CDKAL1: variants seen among roughly 807,000 people sequenced by gnomAD.
CDKAL1 encodes the protein CDKAL1 threonylcarbamoyladenosine tRNA methylthiotransferase.
A neutral mutation model predicts 68.2 loss-of-function variants in CDKAL1; 32 were observed. The ratio of observed to expected loss-of-function variants is 0.47; its 90% CI spans 0.35 to 0.63. The LOEUF (loss-of-function observed/expected upper bound fraction) is 0.63. Ranked by LOEUF, CDKAL1 falls within the 30% of genes least tolerant of loss-of-function variation. The pLI is 0.00. For synonymous variants in CDKAL1, 234 were observed against 244.3 expected (o/e 0.96, Z 0.39); for missense variants, 606 against 696.7 (o/e 0.87, Z 1.47).
intron 9 of CDKAL1, among the ~76,000 whole-genome samples, chr6:20,872,614 A>T (rs1760283895): frequency 1.3e-5 from 2 of 152,210 alleles, no homozygotes; most frequent in African/African-American, 2.4e-5. Context: ...AGCTGGGTGG[A>T]TACAATTCTG....
Position 21,231,012 on chromosome 6 carries a change from T to G in CDKAL1, c.1713T>G (p.Phe571Leu). The G allele has an allele frequency of 6.2e-7, 1 of 1,608,360 alleles. No individual in the cohort carries two copies. Among genetic ancestry groups the G allele is most frequent in the Non-Finnish European group, 8.5e-7 (1 of 1,176,132 alleles). Reference protein sequence around the residue: ...SVGLALLGLLFAFFVKVYN With the variant: ...SVGLALLGLLLAFFVKVYN ...GCTTGGCTCTGCTGGGTCTTCTTTT[T>G]GCTTTTTTTGTCAAGGTCTATAATT... Residue 571 changes from phenylalanine (F) to leucine (L), a missense_variant, in exon 16 of 16, where the codon TTT (phenylalanine) becomes TTG (leucine). By Grantham distance (22) the Phe-to-Leu change is conservative. Transcript: ENST00000274695.
chr6:20,570,395 C>T (rs927707079), intron 4 of CDKAL1, among the ~76,000 whole-genome samples: 1 of 149,058 alleles, frequency 6.7e-6, no homozygotes, highest in African/African-American at 2.5e-5. Context: ...AGCCACTGTG[C>T]CCTGCCAATT....
intron 5 of CDKAL1, among the ~76,000 whole-genome samples, chr6:20,669,091 G>C (rs1769689067): frequency 6.6e-6 from 1 of 152,152 alleles, no homozygotes; most frequent in South Asian, 2.1e-4. Flanking sequence ...GGTGGTAGCT[G>C]TCAGTTTTCT....
intron 9 of CDKAL1, among the ~76,000 whole-genome samples, chr6:20,893,079 T>C (rs56043606): frequency 0.036 from 5,410 of 152,272 alleles, 158 homozygotes; most frequent in Middle Eastern, 0.061. Context: ...AGAATAGCAT[T>C]ACCCTGTAGG....
In CDKAL1 at chr6:21,201,102, T is replaced by C. The variant is rs768968961; in HGVS notation, c.1384-8T>C. Reference sequence around the variant, plus strand: ...AAAAATTAAGCCTCTGAAACAAATGTGTTTAAGGTTTTAGTGCCAAAGAAC... The same window carrying C: ...AAAAATTAAGCCTCTGAAACAAATGCGTTTAAGGTTTTAGTGCCAAAGAAC... On this transcript the variant is annotated splice_region_variant and splice_polypyrimidine_tract_variant and intron_variant, in intron 14 of 15. Coordinates refer to ENST00000274695, the MANE Select transcript of CDKAL1 (RefSeq NM_017774.3). The C allele has an allele frequency of 4.4e-6, 7 of 1,594,822 alleles. No homozygotes were observed. The Admixed American group carries it at 1.2e-4, about 27-fold the overall frequency.
intron 13 of CDKAL1, among the ~76,000 whole-genome samples, chr6:21,125,836 TG>T (rs1410214423): frequency 1.4e-4 from 22 of 152,348 alleles, no homozygotes; most frequent in African/African-American, 5.3e-4. Flanking sequence ...TCAGCTCCTC[TG>T]GGGAGTTAGG....
In CDKAL1 at chr6:20,546,420, C is replaced by A; in HGVS notation, c.70C>A (p.Pro24Thr). ...TATCGTGTCTCAGGAAGATTCAAAACCACAAGATAGGCATTTTGTAAGAAA... is the reference window on the plus strand; with the variant it reads ...TATCGTGTCTCAGGAAGATTCAAAAACACAAGATAGGCATTTTGTAAGAAA... ...EDIVSQEDSK[P>T]QDRHFVRKDV... Residue 24 changes from proline (P) to threonine (T), a missense_variant, in exon 3 of 16, where the codon CCA becomes ACA. Pro to Thr is a conservative substitution (Grantham distance 38, BLOSUM62 -1). Coordinates refer to ENST00000274695, the MANE Select transcript of CDKAL1 (RefSeq NM_017774.3). The A allele has an allele frequency of 6.2e-7, 1 of 1,613,940 alleles. No homozygotes were observed. The highest frequency in any genetic ancestry group is 8.5e-7 in the Non-Finnish European group (1 of 1,179,850).
intron 7 of CDKAL1, among the ~76,000 whole-genome samples, chr6:20,780,175 AAAT>A (rs1300169104): frequency 6.6e-6 from 1 of 151,928 alleles, no homozygotes; most frequent in Non-Finnish European, 1.5e-5. Flanking sequence ...AAATATGGTA[AAAT>A]AATAATTGAA....
At chr6:20,737,352 T>C (rs1392152064) in intron 5 of CDKAL1, among the ~76,000 whole-genome samples, 1 of 152,250 alleles carries the variant, frequency 6.6e-6, no homozygotes, top group Non-Finnish European at 1.5e-5. Context: ...TTATAAACCA[T>C]AAGCTTGTTG....
intron 9 of CDKAL1, among the ~76,000 whole-genome samples, chr6:20,944,834 A>T (rs1764157657): frequency 6.6e-6 from 1 of 152,224 alleles, no homozygotes; most frequent in South Asian, 2.1e-4. Flanking sequence ...TTTTGTTGAC[A>T]TTACCTGCAA....
intron 9 of CDKAL1, among the ~76,000 whole-genome samples, chr6:20,932,779 C>G (rs1157319587): frequency 6.6e-6 from 1 of 152,084 alleles, no homozygotes; most frequent in Admixed American, 6.5e-5. Context: ...TATTATCTAC[C>G]TAGTTCCAAA....
At chr6:20,850,850 T>C (rs1758967588) in intron 9 of CDKAL1, among the ~76,000 whole-genome samples, 1 of 152,206 alleles carries the variant, frequency 6.6e-6, no homozygotes, top group East Asian at 1.9e-4. Context: ...TCATTCTGAA[T>C]ATAAAATGGC....
At chr6:21,034,950 A>C (rs960901225) in intron 11 of CDKAL1, among the ~76,000 whole-genome samples, 1 of 152,190 alleles carries the variant, frequency 6.6e-6, no homozygotes, top group African/African-American at 2.4e-5. Context: ...ATTACTTTTG[A>C]AATCTTTTAA....
At chr6:20,762,359 C>G (rs1323142728) in intron 7 of CDKAL1, among the ~76,000 whole-genome samples, 1 of 152,038 alleles carries the variant, frequency 6.6e-6, no homozygotes, top group Non-Finnish European at 1.5e-5. Flanking sequence ...GATAATTAAG[C>G]CTTCATAATG....
intron 15 of CDKAL1, among the ~76,000 whole-genome samples, chr6:21,205,774 G>A (rs1199160297): frequency 6.1e-5 from 9 of 148,016 alleles, no homozygotes; most frequent in Non-Finnish European, 8.9e-5. Context: ...CTCGTGATCT[G>A]CCCGCCTTGG....
chr6:20,874,246 A>G (rs913855695), intron 9 of CDKAL1, among the ~76,000 whole-genome samples: 4 of 152,088 alleles, frequency 2.6e-5, no homozygotes, highest in South Asian at 2.1e-4. Flanking sequence ...ATTGGGGGCT[A>G]TTTATCCATG....
chr6:20,753,402 A>G (rs748862000), intron 6 of CDKAL1, among the ~76,000 whole-genome samples: 10 of 152,238 alleles, frequency 6.6e-5, no homozygotes, highest in Non-Finnish European at 1.5e-4. Flanking sequence ...ATTATAATAC[A>G]GTATTTTTAC....
At chr6:20,925,223 T>C (rs1289070584) in intron 9 of CDKAL1, among the ~76,000 whole-genome samples, 1 of 152,228 alleles carries the variant, frequency 6.6e-6, no homozygotes, top group Non-Finnish European at 1.5e-5. Flanking sequence ...TAGCATTTTG[T>C]AGCAATAAAG....
intron 12 of CDKAL1, among the ~76,000 whole-genome samples, chr6:21,084,410 T>G (rs1356976423): frequency 6.6e-6 from 1 of 152,202 alleles, no homozygotes; most frequent in Non-Finnish European, 1.5e-5. Flanking sequence ...CCTCAGAAAC[T>G]GTGCAGATCA....
Sources: allele counts gnomAD v4.1 joint callset (sites outside exome capture counted in the v4.1 genomes callset), GRCh38; gene constraint gnomAD v4.1.1; transcripts MANE v1.5; gene names NCBI Gene and HGNC (gene_info 2026-07-23, HGNC 2026-07-21).